The following ATP7B variants were observed in gnomAD, a reference collection of about 807,000 sequenced individuals.
The protein encoded by ATP7B is copper-transporting ATPase 2.
In ATP7B, 113 loss-of-function variants were observed where a neutral mutation model predicts 118.9. The observed-to-expected ratio is 0.95, with a 90% CI of 0.82 to 1.11. The LOEUF (loss-of-function observed/expected upper bound fraction) is 1.11, where lower values mean the gene tolerates loss of function less well. Among genes scored for constraint, ATP7B ranks in the 50% most tolerant of loss-of-function variants. ATP7B has a pLI of 0.00. For synonymous variants in ATP7B, 777 were observed against 727.4 expected (o/e 1.07, Z -1.10); for missense variants, 1,867 against 1,871.4 (o/e 1.00, Z 0.04).
intron 1 of ATP7B, among the ~76,000 whole-genome samples, chr13:51,997,300 C>T (rs972492867): frequency 1.3e-5 from 2 of 152,190 alleles, no homozygotes; most frequent in Non-Finnish European, 2.9e-5. Flanking sequence ...TAAGTGACAT[C>T]TATTTTTCCG....
intron 15 of ATP7B, among the ~76,000 whole-genome samples, chr13:51,942,102 G>C (rs1019684572): frequency 6.6e-6 from 1 of 152,220 alleles, no homozygotes; most frequent in African/African-American, 2.4e-5. Context: ...TGTCTACTCT[G>C]TAGCTTATGA....
intron 1 of ATP7B, among the ~76,000 whole-genome samples, chr13:51,984,127 T>A (rs1433380550): frequency 1.3e-5 from 2 of 151,852 alleles, no homozygotes; most frequent in East Asian, 3.9e-4. Flanking sequence ...CGAGCTAAAG[T>A]AGCATGTTCT....
chr13:51,968,851 T>C (rs1951700133), intron 3 of ATP7B, among the ~76,000 whole-genome samples: 1 of 140,194 alleles, frequency 7.1e-6, no homozygotes, highest in South Asian at 2.3e-4. Flanking sequence ...CAGGCATCTT[T>C]TTTTCTTTTT....
chr13:51,975,671 G>T (rs1952076800), intron 1 of ATP7B: 1 of 453,384 alleles, frequency 2.2e-6, no homozygotes, highest in South Asian at 1.6e-5. Flanking sequence ...CTTTCTAGGG[G>T]TGTCTGTCTG....
At chr13:51,995,093 T>G (rs7321435) in intron 1 of ATP7B, among the ~76,000 whole-genome samples, 95,198 of 151,938 alleles carry the variant, frequency 0.63, 30,619 homozygotes, top group Non-Finnish European at 0.71. Context: ...CTTCATAGAG[T>G]CTTACAAAAT....
chr13:51,989,642 A>G (rs192614768), intron 1 of ATP7B, among the ~76,000 whole-genome samples: 72 of 152,242 alleles, frequency 4.7e-4, no homozygotes, highest in African/African-American at 1.6e-3. Context: ...AGAAATTCAC[A>G]AACTATAAGA....
At chr13:51,975,272 T>C in intron 1 of ATP7B, 104 bp from the exon 2 acceptor site, 9 of 1,426,902 alleles carry the variant, frequency 6.3e-6, no homozygotes, top group Non-Finnish European at 8.9e-6. Flanking sequence ...GCCACTGGTG[T>C]CAAAATATCC....
chr13:51,934,699 G>C lies in ATP7B; in HGVS notation c.*57C>G. The C allele has an allele frequency of 6.2e-7, 1 of 1,606,346 alleles. No individual in the cohort carries two copies. Among genetic ancestry groups the C allele is most frequent in the Non-Finnish European group, 8.5e-7 (1 of 1,178,932 alleles). On this transcript the variant is annotated 3_prime_UTR_variant, in exon 21 of 21. Transcript: ENST00000242839. The stretch of plus-strand genomic sequence containing the variant: ...AGCCCATCCTGCTGCTGGCTGTCCT[G>C]CTCAGCTTGTGGTGAGTGGAGGCAA...
intron 1 of ATP7B, among the ~76,000 whole-genome samples, chr13:52,002,849 TA>T (rs1465434131): frequency 2.0e-5 from 3 of 152,236 alleles, no homozygotes; most frequent in Middle Eastern, 3.4e-3. Context: ...GCATTATGCC[TA>T]AAAAAATACA....
At chr13:52,011,136 C>G in intron 1 of ATP7B, 151 bp downstream of exon 1, 1 of 1,187,598 alleles carries the variant, frequency 8.4e-7, no homozygotes, top group Non-Finnish European at 1.2e-6. Flanking sequence ...CTAAAGGGTC[C>G]TTTTCTCCCA....
chr13:51,965,416 A>G (rs1951497704), intron 4 of ATP7B, among the ~76,000 whole-genome samples: 1 of 152,022 alleles, frequency 6.6e-6, no homozygotes, highest in Non-Finnish European at 1.5e-5. Flanking sequence ...AACTCGCTGC[A>G]CTCCTGAAAT....
At chr13:51,955,255 G>C (rs1958263847) in intron 9 of ATP7B, among the ~76,000 whole-genome samples, 1 of 152,182 alleles carries the variant, frequency 6.6e-6, no homozygotes, top group Non-Finnish European at 1.5e-5. Flanking sequence ...CCAGTGTCCA[G>C]TGCACCTCAA....
intron 19 of ATP7B, 24 bp downstream of exon 19, chr13:51,937,252 G>A: frequency 1.2e-6 from 2 of 1,603,076 alleles, no homozygotes; most frequent in Non-Finnish European, 1.7e-6. Context: ...CGCAGCTGGA[G>A]CACAGTGGGT....
intron 1 of ATP7B, among the ~76,000 whole-genome samples, chr13:52,007,620 A>C (rs980855130): frequency 6.6e-6 from 1 of 152,132 alleles, no homozygotes. Context: ...AATTCAATTC[A>C]ATTCCGACAC....
intron 3 of ATP7B, 47 bp downstream of exon 3, chr13:51,970,445 G>A: frequency 9.9e-6 from 16 of 1,612,826 alleles, no homozygotes; most frequent in Non-Finnish European, 1.4e-5. Flanking sequence ...AGAATACGAG[G>A]TCTATACGCA....
At chr13:51,976,900 A>G (rs1466481936) in intron 1 of ATP7B, among the ~76,000 whole-genome samples, 1 of 152,224 alleles carries the variant, frequency 6.6e-6, no homozygotes, top group African/African-American at 2.4e-5. Flanking sequence ...TCGGTGAATG[A>G]GTGTTGAGTA....
intron 1 of ATP7B, among the ~76,000 whole-genome samples, chr13:51,997,093 C>T (rs1039681839): frequency 6.6e-6 from 1 of 152,212 alleles, no homozygotes; most frequent in African/African-American, 2.4e-5. Context: ...TGATTGCTTT[C>T]TAGTGATTCT....
chr13:51,939,034 A>G lies in ATP7B; in HGVS notation c.3699+17T>C. 1 of 1,614,252 alleles carries G rather than the reference A, an allele frequency of 6.2e-7. No homozygotes were observed. Among genetic ancestry groups the G allele is most frequent in the Non-Finnish European group, 8.5e-7 (1 of 1,180,042 alleles). On this transcript the variant is annotated intron_variant, in intron 17 of 20. Coordinates refer to ENST00000242839, the MANE Select transcript of ATP7B (RefSeq NM_000053.4). ...TTTTATGAGCTTTACACAGTTTGCA[A>G]CATTAAAGGGCTGTACCTGGGTGGC...
Position 51,937,575 on chromosome 13 carries a change from C to G in ATP7B, c.3804G>C (p.Gly1268=). Residue 1268 remains glycine, a synonymous_variant, in exon 18 of 21, where the codon GGG becomes GGC. Coordinates refer to ENST00000242839, the MANE Select transcript of ATP7B (RefSeq NM_000053.4). ...KGKKVAMVGD[G]VNDSPALAQA... ...GGGCCAAGGCCGGGGAGTCATTGAC[C>G]CCATCCCCCACCATGGCGACTTTCT... The G allele has an allele frequency of 6.2e-7, 1 of 1,614,254 alleles. No individual in the cohort carries two copies. The highest frequency in any genetic ancestry group is 1.1e-5 in the South Asian group (1 of 91,088).
Sources: gnomAD v4.1 joint callset for allele counts (sites outside exome capture counted in the v4.1 genomes callset) on GRCh38, gnomAD v4.1.1 for gene constraint, MANE v1.5 for transcripts, NCBI Gene and HGNC (gene_info 2026-07-23, HGNC 2026-07-21) for gene names.